Variants in KCMF1 observed in about 807,000 individuals in gnomAD.
KCMF1 encodes the protein potassium channel modulatory factor 1.
In KCMF1, 3 loss-of-function variants were observed where a neutral mutation model predicts 41.1. The observed-to-expected ratio is 0.07, with a 90% CI of 0.03 to 0.19. The LOEUF is 0.19. KCMF1 is among the 10% of genes least tolerant of loss of function. The pLI, the probability that KCMF1 is intolerant of heterozygous loss-of-function variation, is 1.00. For missense variants in KCMF1, 286 were observed against 488.9 expected, an observed-to-expected ratio of 0.58 and a Z score of 3.91; for synonymous variants, 142 against 164.5, an observed-to-expected ratio of 0.86 and a Z score of 1.04.
At chr2:85,011,324 T>C in intron 1 of KCMF1, among the ~76,000 whole-genome samples, 1 of 152,154 alleles carries the variant, frequency 6.6e-6, no homozygotes, top group East Asian at 1.9e-4. Flanking sequence ...GCCCAACCCA[T>C]AGAATCCTTC....
At chr2:85,017,870 A>G (rs1674819488) in intron 1 of KCMF1, among the ~76,000 whole-genome samples, 1 of 152,220 alleles carries the variant, frequency 6.6e-6, no homozygotes, top group Non-Finnish European at 1.5e-5. Context: ...AATAAGAAAG[A>G]AAAGACTACG....
intron 3 of KCMF1, among the ~76,000 whole-genome samples, chr2:85,042,866 T>C (rs548931755): frequency 2.0e-5 from 3 of 152,302 alleles, no homozygotes; most frequent in Admixed American, 6.5e-5. Context: ...TGTGACTGTG[T>C]ACACACCATT....
intron 1 of KCMF1, among the ~76,000 whole-genome samples, chr2:84,974,986 C>T (rs900052489): frequency 2.0e-5 from 3 of 151,892 alleles, no homozygotes; most frequent in African/African-American, 4.8e-5. Context: ...GGATTACAGG[C>T]GTAAGCCACC....
intron 3 of KCMF1, among the ~76,000 whole-genome samples, chr2:85,038,700 T>G (rs527963320): frequency 6.6e-6 from 1 of 152,290 alleles, no homozygotes; most frequent in Admixed American, 6.5e-5. Flanking sequence ...GATGGCTCTT[T>G]TTGGGTCATC....
intron 1 of KCMF1, among the ~76,000 whole-genome samples, chr2:85,008,340 G>GAC (rs1491589378): frequency 1.1e-4 from 3 of 27,324 alleles, no homozygotes; most frequent in South Asian, 1.0e-3. Context: ...TATATAATAT[G>GAC]ATATATAATA....
At chr2:85,001,731 T>TA (rs1233359783) in intron 1 of KCMF1, among the ~76,000 whole-genome samples, 2 of 152,320 alleles carry the variant, frequency 1.3e-5, no homozygotes, top group Non-Finnish European at 2.9e-5. Flanking sequence ...AAATTTATTT[T>TA]ACTGAGTTAC....
chr2:85,026,852 C>T lies in KCMF1; in HGVS notation c.17-1037C>T, dbSNP rs112300666. Among the ~76,000 whole-genome samples the T allele has an allele frequency of 6.4e-3, 969 of 152,298 alleles. 9 individuals are homozygous for T. Among genetic ancestry groups the T allele is most frequent in the African/African-American group, 0.022 (929 of 41,560 alleles). On this transcript the variant is annotated intron_variant, in intron 1 of 6. Transcript: ENST00000409785. ...TTCTGATATGAACTCATGACTGATTCTGCTGCTCCTGCTAGTTCTTTCTGA... is the reference window on the plus strand; with the variant it reads ...TTCTGATATGAACTCATGACTGATTTTGCTGCTCCTGCTAGTTCTTTCTGA...
At chr2:84,991,360 C>T (rs1674039783) in intron 1 of KCMF1, among the ~76,000 whole-genome samples, 1 of 152,104 alleles carries the variant, frequency 6.6e-6, no homozygotes, top group Non-Finnish European at 1.5e-5. Flanking sequence ...TTGTATAGGC[C>T]ATTGGGATGA....
chr2:85,019,992 G>A (rs1296945724), intron 1 of KCMF1, among the ~76,000 whole-genome samples: 3 of 151,948 alleles, frequency 2.0e-5, no homozygotes, highest in Admixed American at 6.6e-5. Flanking sequence ...TTACAGTTAC[G>A]GAACTCTAGC....
chr2:84,973,280 C>A (rs942321526), intron 1 of KCMF1, among the ~76,000 whole-genome samples: 2 of 152,138 alleles, frequency 1.3e-5, no homozygotes, highest in Non-Finnish European at 2.9e-5. Flanking sequence ...TTCCTTCACC[C>A]CCAGTGCTCT....
At chr2:84,988,413 C>T (rs753434732) in intron 1 of KCMF1, among the ~76,000 whole-genome samples, 5 of 152,168 alleles carry the variant, frequency 3.3e-5, no homozygotes, top group Admixed American at 6.6e-5. Context: ...ATTCTCTAAA[C>T]AGTCCTATGA....
chr2:84,988,598 C>G (rs1192852148), intron 1 of KCMF1, among the ~76,000 whole-genome samples: 1 of 152,168 alleles, frequency 6.6e-6, no homozygotes, highest in African/African-American at 2.4e-5. Context: ...GCAGAGACCT[C>G]AGTTTAAAGG....
intron 1 of KCMF1, among the ~76,000 whole-genome samples, chr2:84,986,530 C>G (rs1371213744): frequency 1.3e-5 from 2 of 151,986 alleles, no homozygotes; most frequent in Non-Finnish European, 2.9e-5. Context: ...AGTGAGGAGA[C>G]CAGAGTTTCT....
At chr2:85,018,743 A>T (rs1203195712) in intron 1 of KCMF1, among the ~76,000 whole-genome samples, 2 of 134,646 alleles carry the variant, frequency 1.5e-5, no homozygotes, top group African/African-American at 2.8e-5. Context: ...TCAAGGCATT[A>T]TTTTACAATA....
intron 5 of KCMF1, among the ~76,000 whole-genome samples, chr2:85,047,262 A>T (rs1391756212): frequency 6.6e-6 from 1 of 152,232 alleles, no homozygotes; most frequent in Non-Finnish European, 1.5e-5. Flanking sequence ...TTAAATCTCC[A>T]TAAGTACACA....
intron 1 of KCMF1, among the ~76,000 whole-genome samples, chr2:85,007,861 A>G (rs538505415): frequency 1.3e-5 from 2 of 152,258 alleles, no homozygotes; most frequent in South Asian, 4.1e-4. Context: ...TCCTGGGTTC[A>G]AGTGATTCTC....
At chr2:85,049,314 T>C in intron 5 of KCMF1, 52 bp from the exon 6 acceptor site, 1 of 1,568,334 alleles carries the variant, frequency 6.4e-7, no homozygotes, top group Non-Finnish European at 8.7e-7. Flanking sequence ...CTGTAGCGTT[T>C]TGTTTTCCTC....
chr2:85,013,668 C>T (rs955410058), intron 1 of KCMF1, among the ~76,000 whole-genome samples: 2 of 151,890 alleles, frequency 1.3e-5, no homozygotes, highest in African/African-American at 4.8e-5. Context: ...CATGGTGGCA[C>T]GCACTTGTAA....
chr2:85,011,218 C>T (rs1674645202), intron 1 of KCMF1, among the ~76,000 whole-genome samples: 1 of 152,130 alleles, frequency 6.6e-6, no homozygotes, highest in African/African-American at 2.4e-5. Context: ...AAGGTTTCTT[C>T]TGTGTACTTT....
Sources: allele counts gnomAD v4.1 joint callset (sites outside exome capture counted in the v4.1 genomes callset), GRCh38; gene constraint gnomAD v4.1.1; transcripts MANE v1.5; gene names NCBI Gene and HGNC (gene_info 2026-07-23, HGNC 2026-07-21).